ITPR1: variants seen among roughly 807,000 people sequenced by gnomAD.
ITPR1 encodes the protein inositol 1,4,5-trisphosphate-gated calcium channel ITPR1.
In ITPR1, 96 loss-of-function variants were observed where a neutral mutation model predicts 318.4. The ratio of observed to expected loss-of-function variants is 0.30; its 90% CI spans 0.26 to 0.36. The LOEUF (loss-of-function observed/expected upper bound fraction) is 0.36. Ranked by LOEUF, ITPR1 falls within the 10% of genes least tolerant of loss-of-function variation. ITPR1 has a pLI of 1.00. For missense variants in ITPR1, 2,440 were observed against 3,460.2 expected, an observed-to-expected ratio of 0.71 and a Z score of 7.40; for synonymous variants, 1,312 against 1,289.9, an observed-to-expected ratio of 1.02 and a Z score of -0.37.
At chr3:4,591,694 C>T (rs2090409847) in intron 4 of ITPR1, among the ~76,000 whole-genome samples, 1 of 152,172 alleles carries the variant, frequency 6.6e-6, no homozygotes, top group Admixed American at 6.5e-5. Context: ...GAAGACTTTT[C>T]ATTTACCCTG....
intron 4 of ITPR1, among the ~76,000 whole-genome samples, chr3:4,608,601 G>A (rs74644799): frequency 0.038 from 5,832 of 152,138 alleles, 156 homozygotes; most frequent in Non-Finnish European, 0.058. Flanking sequence ...GTTAGAACTA[G>A]GGAGTGGGGT....
intron 4 of ITPR1, among the ~76,000 whole-genome samples, chr3:4,616,972 C>G (rs910275168): frequency 1.1e-4 from 16 of 151,884 alleles, no homozygotes; most frequent in African/African-American, 3.9e-4. Flanking sequence ...GCCTTCTCAT[C>G]ACTCTCTTCC....
At chr3:4,737,916 C>T (rs1258431945) in intron 44 of ITPR1, among the ~76,000 whole-genome samples, 6 of 152,214 alleles carry the variant, frequency 3.9e-5, no homozygotes, top group Admixed American at 2.0e-4. Flanking sequence ...TGCTGGGACA[C>T]GGATGGAGCT....
intron 4 of ITPR1, among the ~76,000 whole-genome samples, chr3:4,566,207 A>G (rs2087232373): frequency 6.6e-6 from 1 of 152,092 alleles, no homozygotes; most frequent in African/African-American, 2.4e-5. Context: ...TGGAAACTGA[A>G]CCTCAGATTT....
At chr3:4,696,962 C>T (rs2125255323) in intron 33 of ITPR1, among the ~76,000 whole-genome samples, 185 bp from the exon 34 acceptor site, 1 of 152,094 alleles carries the variant, frequency 6.6e-6, no homozygotes, top group African/African-American at 2.4e-5. Context: ...TATTCTCTTC[C>T]AAAAGCTTTA....
At chr3:4,605,062 C>A (rs1323858523) in intron 4 of ITPR1, among the ~76,000 whole-genome samples, 1 of 152,100 alleles carries the variant, frequency 6.6e-6, no homozygotes, top group African/African-American at 2.4e-5. Context: ...ACCTCCGCCT[C>A]CCAGGCTCAA....
At chr3:4,736,963 G>A (rs913521051) in intron 44 of ITPR1, among the ~76,000 whole-genome samples, 3 of 152,170 alleles carry the variant, frequency 2.0e-5, no homozygotes, top group Admixed American at 6.5e-5. Context: ...TGGAAAATGA[G>A]GACAATGTGG....
intron 4 of ITPR1, among the ~76,000 whole-genome samples, chr3:4,606,587 G>C (rs2091720740): frequency 6.6e-6 from 1 of 152,124 alleles, no homozygotes; most frequent in Admixed American, 6.5e-5. Flanking sequence ...GAGGCAGGGA[G>C]GGTATGGTAA....
At chr3:4,604,658 G>T (rs2091565958) in intron 4 of ITPR1, among the ~76,000 whole-genome samples, 1 of 151,996 alleles carries the variant, frequency 6.6e-6, no homozygotes, top group Non-Finnish European at 1.5e-5. Flanking sequence ...ACTGGTGTGG[G>T]GTCATCTTAG....
intron 8 of ITPR1, 63 bp from the exon 9 acceptor site, chr3:4,645,324 G>A: frequency 1.8e-6 from 2 of 1,132,458 alleles, no homozygotes; most frequent in Non-Finnish European, 2.7e-6. Context: ...GAGAAGTCTG[G>A]GGGCTGGATG....
chr3:4,663,178 T>A lies in ITPR1; in HGVS notation c.1526T>A (p.Leu509Gln). Residue 509 changes from leucine to glutamine, a missense_variant, in exon 16 of 62, where the codon CTG becomes CAG. By Grantham distance (113) the Leu-to-Gln change is moderately radical (BLOSUM62 -2). This residue lies in a region of ITPR1 where 478 missense variants were observed against 696.3 expected (regional missense o/e 0.69). Coordinates refer to ENST00000649015, the MANE Select transcript of ITPR1 (RefSeq NM_001378452.1). ...AAGCCCAACAGAGAACGGCAGAAAC[T>A]GATGAGAGAACAGAATATTCTCAAG... is the stretch of plus-strand genomic sequence containing the variant. ...FSKPNRERQK[L>Q]MREQNILKQI... is the part of the protein sequence containing the mutation. The A allele has an allele frequency of 6.2e-7, 1 of 1,613,402 alleles. No individual in the cohort carries two copies. The highest frequency in any genetic ancestry group is 8.5e-7 in the Non-Finnish European group (1 of 1,179,614).
intron 30 of ITPR1, among the ~76,000 whole-genome samples, chr3:4,686,890 C>T (rs6787391): frequency 0.26 from 39,618 of 152,144 alleles, 6,457 homozygotes; most frequent in Non-Finnish European, 0.38. Flanking sequence ...TGTCCCAAGC[C>T]CTCTGATTTC....
intron 19 of ITPR1, 81 bp from the exon 20 acceptor site, chr3:4,670,648 G>T: frequency 9.6e-7 from 1 of 1,036,894 alleles, no homozygotes. Flanking sequence ...GTCTTTCCAT[G>T]TGTCTTTATG....
Position 4,655,842 on chromosome 3 carries a change from A to T in ITPR1, c.996+1956A>T, listed in dbSNP as rs114211773. Among the ~76,000 whole-genome samples the T allele has an allele frequency of 5.0e-3, 763 of 152,178 alleles. 4 individuals carry two copies. The highest frequency in any genetic ancestry group is 8.2e-3 in the Non-Finnish European group (556 of 68,010). On this transcript the variant is annotated intron_variant, in intron 12 of 61. Coordinates refer to ENST00000649015, the MANE Select transcript of ITPR1 (RefSeq NM_001378452.1). The stretch of plus-strand genomic sequence containing the variant: ...CAGAGGAGGGGTGCATGGAGAGGGG[A>T]TCTTACCCGACGCCCACACGGCCAA...
chr3:4,707,221 A>G (rs1574950493), intron 37 of ITPR1, among the ~76,000 whole-genome samples: 1 of 152,220 alleles, frequency 6.6e-6, no homozygotes, highest in East Asian at 1.9e-4. Context: ...GTAAATCACA[A>G]CAATTACCTT....
intron 24 of ITPR1, among the ~76,000 whole-genome samples, chr3:4,679,308 T>A (rs1268950865): frequency 1.3e-5 from 2 of 152,192 alleles, no homozygotes; most frequent in African/African-American, 4.8e-5. Context: ...GGGTTTATTA[T>A]GGGAATTGGC....
At chr3:4,758,161 G>A (rs1393005934) in intron 44 of ITPR1, among the ~76,000 whole-genome samples, 1 of 152,194 alleles carries the variant, frequency 6.6e-6, no homozygotes, top group Non-Finnish European at 1.5e-5. Flanking sequence ...TCATGGGCTA[G>A]ATGGGTCAGG....
intron 46 of ITPR1, 78 bp from the exon 47 acceptor site, chr3:4,775,164 A>G (rs898837368): frequency 1.2e-5 from 13 of 1,051,894 alleles, no homozygotes; most frequent in Non-Finnish European, 1.6e-5. Context: ...ATTAGAGGCT[A>G]TCAGAATGGC....
At chr3:4,738,020 T>G (rs1477703946) in intron 44 of ITPR1, among the ~76,000 whole-genome samples, 1 of 152,056 alleles carries the variant, frequency 6.6e-6, no homozygotes, top group Non-Finnish European at 1.5e-5. Context: ...CAGGAACACA[T>G]GGACACTTAT....
Sources: gnomAD v4.1 joint callset for allele counts (sites outside exome capture counted in the v4.1 genomes callset) on GRCh38, gnomAD v4.1.1 for gene constraint, gnomAD v4.1.1 regional missense constraint, MANE v1.5 for transcripts, NCBI Gene and HGNC (gene_info 2026-07-23, HGNC 2026-07-21) for gene names.